Variants in WBP1L observed in about 807,000 individuals in gnomAD.
WBP1L encodes WW domain binding protein 1-like.
Under a neutral mutation model 33.7 loss-of-function variants are expected in WBP1L, and 17 were observed. That is an observed-to-expected ratio of 0.50 (90% CI 0.34 to 0.76). WBP1L has a LOEUF of 0.76. WBP1L is among the 30% of genes least tolerant of loss of function. The pLI is 0.01. For synonymous variants in WBP1L, 173 were observed against 190.8 expected (o/e 0.91, Z 0.77); for missense variants, 389 against 469.4 (o/e 0.83, Z 1.58).
intron 1 of WBP1L, chr10:102,776,059 C>T (rs1230904004): frequency 8.2e-6 from 8 of 978,116 alleles, no homozygotes; most frequent in African/African-American, 3.5e-5. Flanking sequence ...ACATCCTCCT[C>T]AGTATTCCAG....
intron 2 of WBP1L, among the ~76,000 whole-genome samples, chr10:102,805,045 G>T (rs571731460): frequency 1.8e-4 from 27 of 152,270 alleles, no homozygotes; most frequent in African/African-American, 6.0e-4. Flanking sequence ...CACTTTGGGA[G>T]CCAAGGTGGG....
chr10:102,809,915 C>T lies in WBP1L; in HGVS notation c.216C>T (p.Ile72=), dbSNP rs1365971069. The T allele has an allele frequency of 1.2e-5, 20 of 1,613,284 alleles. No individual in the cohort carries two copies. The highest frequency in any genetic ancestry group is 1.7e-5 in the Non-Finnish European group (20 of 1,179,710). The change falls in exon 3 of 4, where the codon ATC becomes ATT. Residue 72 remains isoleucine (I), a synonymous_variant. Transcript: ENST00000448841. ...CAGGGTTCTGGCTGGTGTGGACCAT[C>T]ATCATCATCCTGAGCTGCTGCTGTG... ...ELWWFWLVWT[I]IIILSCCCVC... is the part of the protein sequence containing the mutation.
chr10:102,773,596 A>C (rs1843218956), intron 1 of WBP1L, among the ~76,000 whole-genome samples: 1 of 152,114 alleles, frequency 6.6e-6, no homozygotes, highest in Non-Finnish European at 1.5e-5. Flanking sequence ...AATATTATTT[A>C]GAATTATGGG....
At chr10:102,776,269 A>G (rs1843260376) in intron 1 of WBP1L, 5 of 1,603,410 alleles carry the variant, frequency 3.1e-6, no homozygotes, top group Admixed American at 3.4e-5. Context: ...CTGCTTTGCT[A>G]AAGAAGGCCG....
chr10:102,745,172 G>C (rs190457534), intron 1 of WBP1L, among the ~76,000 whole-genome samples: 1 of 152,338 alleles, frequency 6.6e-6, no homozygotes, highest in East Asian at 1.9e-4. Context: ...TTGAACTTGT[G>C]TTGTGAACAA....
In WBP1L at chr10:102,809,963, G is replaced by A. The variant is rs1457932757; in HGVS notation, c.264G>A (p.Lys88=). 6.2e-7 allele frequency: 1 copy of A among 1,614,036 alleles called. No homozygotes were observed. Among genetic ancestry groups the A allele is most frequent in the Non-Finnish European group, 8.5e-7 (1 of 1,180,026 alleles). Residue 88 remains lysine, a synonymous_variant, in exon 3 of 4, where the codon AAG becomes AAA. Coordinates refer to ENST00000448841, the MANE Select transcript of WBP1L (RefSeq NM_001083913.2). ...CCCVCHHRRA[K]HRLQAQQRQH... ...GTGTTTGCCACCACCGCCGAGCCAA[G>A]CACCGCCTTCAGGCCCAGCAGCGGC...
At chr10:102,778,965 C>G (rs1287886469) in intron 1 of WBP1L, among the ~76,000 whole-genome samples, 1 of 151,998 alleles carries the variant, frequency 6.6e-6, no homozygotes, top group Non-Finnish European at 1.5e-5. Flanking sequence ...AGCCATTTGC[C>G]CAGCATTGCT....
chr10:102,813,148 C>T lies in WBP1L; in HGVS notation c.909C>T (p.Asp303=). The change falls in exon 4 of 4, where the codon GAC becomes GAT. Residue 303 remains aspartate, a synonymous_variant. Coordinates refer to ENST00000448841, the MANE Select transcript of WBP1L (RefSeq NM_001083913.2). The part of the protein sequence containing the change: ...LIDDALDGPL[D]FCDSCHVRPP... ...ATGATGCTCTGGATGGGCCCCTGGA[C>T]TTCTGCGACAGCTGCCATGTGCGGC... 4.3e-6 allele frequency: 7 copies of T among 1,614,064 alleles called. No individual in the cohort carries two copies. The highest frequency in any genetic ancestry group is 5.9e-6 in the Non-Finnish European group (7 of 1,180,018).
At chr10:102,783,799 G>A (rs187892841) in intron 1 of WBP1L, among the ~76,000 whole-genome samples, 15 of 152,318 alleles carry the variant, frequency 9.8e-5, no homozygotes, top group Admixed American at 7.2e-4. Flanking sequence ...GACTCCAAAT[G>A]TCAGTAGGGC....
At chr10:102,744,560 G>T in intron 1 of WBP1L, 1 of 896,286 alleles carries the variant, frequency 1.1e-6, no homozygotes. Flanking sequence ...GGATCCTGAG[G>T]ATATTTCTTT....
intron 1 of WBP1L, among the ~76,000 whole-genome samples, chr10:102,772,274 T>G (rs1181912742): frequency 7.4e-6 from 1 of 135,686 alleles, no homozygotes; most frequent in Non-Finnish European, 1.6e-5. Context: ...TTTTTTTTTT[T>G]TTTTTTGAGA....
At chr10:102,767,024 A>G (rs1843120438) in intron 1 of WBP1L, among the ~76,000 whole-genome samples, 1 of 152,142 alleles carries the variant, frequency 6.6e-6, no homozygotes, top group African/African-American at 2.4e-5. Context: ...ACTTGCCAGT[A>G]TGGTTGGGGT....
chr10:102,792,592 C>CTTTTTTTTTTTTT (rs11368357), intron 1 of WBP1L, among the ~76,000 whole-genome samples: 2 of 103,584 alleles, frequency 1.9e-5, no homozygotes, highest in African/African-American at 6.9e-5. Context: ...TTTTTCTTTT[C>CTTTTTTTTTTTTT]TTTTTTTTTT....
intron 1 of WBP1L, among the ~76,000 whole-genome samples, chr10:102,773,465 T>A (rs770958318): frequency 2.0e-5 from 3 of 152,228 alleles, no homozygotes; most frequent in Non-Finnish European, 2.9e-5. Context: ...AAAAGGATGA[T>A]TCATTAGGAA....
At chr10:102,771,840 A>G (rs1843190189) in intron 1 of WBP1L, among the ~76,000 whole-genome samples, 1 of 151,958 alleles carries the variant, frequency 6.6e-6, no homozygotes, top group Non-Finnish European at 1.5e-5. Flanking sequence ...TCTGAATCCA[A>G]AGGGTAGTAT....
chr10:102,760,460 T>C (rs1364988614), intron 1 of WBP1L, among the ~76,000 whole-genome samples: 1 of 146,950 alleles, frequency 6.8e-6, no homozygotes, highest in Non-Finnish European at 1.5e-5. Context: ...CAACTCAACC[T>C]CCGCCTCCCG....
intron 2 of WBP1L, among the ~76,000 whole-genome samples, chr10:102,807,137 C>T (rs534943274): frequency 1.9e-4 from 29 of 152,080 alleles, no homozygotes; most frequent in Non-Finnish European, 1.5e-5. Flanking sequence ...GAATGGAAAA[C>T]AATGGAAGTT....
At chr10:102,799,179 A>T (rs1843616580) in intron 2 of WBP1L, among the ~76,000 whole-genome samples, 1 of 152,168 alleles carries the variant, frequency 6.6e-6, no homozygotes, top group Admixed American at 6.5e-5. Context: ...TACAAAAATT[A>T]TCTGGGCATG....
intron 1 of WBP1L, among the ~76,000 whole-genome samples, chr10:102,747,825 G>T (rs893019066): frequency 6.6e-6 from 1 of 151,970 alleles, no homozygotes; most frequent in Non-Finnish European, 1.5e-5. Context: ...ACTCTGCCCA[G>T]CCTAAACAGA....
Sources: gnomAD v4.1 joint callset for allele counts (sites outside exome capture counted in the v4.1 genomes callset) on GRCh38, gnomAD v4.1.1 for gene constraint, MANE v1.5 for transcripts, NCBI Gene and HGNC (gene_info 2026-07-23, HGNC 2026-07-21) for gene names.